Variants in XKR5 observed in about 807,000 individuals in gnomAD.
XKR5 encodes XK-related protein 5.
In XKR5, 46 loss-of-function variants were observed where a neutral mutation model predicts 40.8. The observed-to-expected ratio is 1.13, with a 90% CI of 0.89 to 1.44. The LOEUF (loss-of-function observed/expected upper bound fraction) is 1.44, where lower values mean the gene tolerates loss of function less well. Among genes scored for constraint, XKR5 ranks in the 40% most tolerant of loss-of-function variants. XKR5 has a pLI of 0.00. For synonymous variants in XKR5, 466 were observed against 356.1 expected (o/e 1.31, Z -3.48); for missense variants, 1,169 against 844.7 (o/e 1.38, Z -4.76).
intron 5 of XKR5, among the ~76,000 whole-genome samples, chr8:6,820,826 G>A (rs539656922): frequency 2.0e-5 from 3 of 152,250 alleles, no homozygotes; most frequent in South Asian, 2.1e-4. Context: ...CAGGTGTCTA[G>A]GACGCTTCCC....
At chr8:6,815,295 G>C (rs1037032031) in intron 6 of XKR5, among the ~76,000 whole-genome samples, 1 of 152,208 alleles carries the variant, frequency 6.6e-6, no homozygotes, top group African/African-American at 2.4e-5. Context: ...TGATGACAGT[G>C]CCAGGCCTGT....
chr8:6,813,514 G>A (rs1803828401), intron 6 of XKR5, among the ~76,000 whole-genome samples: 1 of 152,188 alleles, frequency 6.6e-6, no homozygotes, highest in African/African-American at 2.4e-5. Flanking sequence ...GTGAATATTG[G>A]TCCCAGGATG....
At chr8:6,821,491 C>A (rs1446845945) in intron 5 of XKR5, among the ~76,000 whole-genome samples, 5 of 152,148 alleles carry the variant, frequency 3.3e-5, no homozygotes, top group African/African-American at 7.2e-5. Flanking sequence ...CTCTCTAGGG[C>A]CATGCCTGGA....
chr8:6,824,829 A>T (rs906623095), intron 3 of XKR5, among the ~76,000 whole-genome samples: 2 of 152,186 alleles, frequency 1.3e-5, no homozygotes, highest in Admixed American at 1.3e-4. Context: ...GCCAAGAATT[A>T]TTCTAATGAT....
Position 6,821,928 on chromosome 8 carries a change from G to C in XKR5, c.748C>G (p.Leu250Val). Residue 250 changes from leucine to valine, a missense_variant, in exon 5 of 7, where the codon CTC (leucine) becomes GTC (valine). Leu to Val is a conservative substitution (Grantham distance 32). Coordinates refer to ENST00000618742, the MANE Select transcript of XKR5 (RefSeq NM_207411.5). ...FNLLVGAVYILCYLSFWDSPS... is the reference protein window; with the variant it reads ...FNLLVGAVYIVCYLSFWDSPS... Reference sequence around the variant, plus strand: ...CTGTCCCAGAAGCTGAGGTAGCAGAGGATGTACACGGCCCCCACGAGCAGG... The same window carrying C: ...CTGTCCCAGAAGCTGAGGTAGCAGACGATGTACACGGCCCCCACGAGCAGG... The C allele has an allele frequency of 6.2e-7, 1 of 1,613,296 alleles. No individual in the cohort carries two copies. The highest frequency in any genetic ancestry group is 8.5e-7 in the Non-Finnish European group (1 of 1,179,600).
chr8:6,820,657 G>C (rs1804189603), intron 5 of XKR5, among the ~76,000 whole-genome samples: 1 of 152,228 alleles, frequency 6.6e-6, no homozygotes, highest in Non-Finnish European at 1.5e-5. Flanking sequence ...CCTGCCACAA[G>C]TGAACCTATC....
At chr8:6,812,938 T>C (rs1803804382) in intron 6 of XKR5, among the ~76,000 whole-genome samples, 2 of 152,284 alleles carry the variant, frequency 1.3e-5, no homozygotes, top group Non-Finnish European at 2.9e-5. Context: ...GTTTAATTTA[T>C]TTTGATCAGA....
chr8:6,827,442 T>G (rs765608489), intron 2 of XKR5, among the ~76,000 whole-genome samples: 1 of 152,176 alleles, frequency 6.6e-6, no homozygotes, highest in Non-Finnish European at 1.5e-5. Context: ...GGCAAACATT[T>G]CTATGTCCAG....
rs146770216 is a variant in XKR5, at chr8:6,813,464, T to C, written c.920-1125A>G. ...TCCAGAGGCCATGTGGTTTGAGGGT[T>C]CTTGGTGGCATCCCCAGGCTGGCAC... On this transcript the variant is annotated intron_variant, in intron 6 of 6. Transcript: ENST00000618742. Among the ~76,000 whole-genome samples, 11 of 152,324 alleles carry C rather than the reference T, an allele frequency of 7.2e-5. No individual in the cohort carries two copies. In the East Asian group the frequency reaches 1.9e-3, roughly 27 times the overall value.
intron 4 of XKR5, 45 bp from the exon 5 acceptor site, chr8:6,822,083 TGGG>T (rs758102124): frequency 4.5e-5 from 70 of 1,550,648 alleles, no homozygotes; most frequent in East Asian, 9.4e-5. Flanking sequence ...TGCAAGGAGA[TGGG>T]GGGACAGGCA....
chr8:6,816,194 C>A (rs1385047390), intron 5 of XKR5, among the ~76,000 whole-genome samples: 1 of 152,120 alleles, frequency 6.6e-6, no homozygotes, highest in East Asian at 1.9e-4. Flanking sequence ...GGCTGTGGGG[C>A]TGCCTTTAGA....
intron 5 of XKR5, among the ~76,000 whole-genome samples, chr8:6,821,638 T>C (rs1170596136): frequency 6.6e-6 from 1 of 152,214 alleles, no homozygotes; most frequent in Non-Finnish European, 1.5e-5. Flanking sequence ...GCCTCAGTTG[T>C]TGCCACATTG....
chr8:6,835,115 C>A (rs1432987822), intron 1 of XKR5, among the ~76,000 whole-genome samples: 2 of 150,250 alleles, frequency 1.3e-5, no homozygotes, highest in African/African-American at 4.9e-5. Flanking sequence ...CCTGCTTCTG[C>A]GAGGGGATCT....
chr8:6,819,837 TCTTC>T (rs1214919515), intron 5 of XKR5, among the ~76,000 whole-genome samples: 55,387 of 138,912 alleles, frequency 0.4, 11,011 homozygotes, highest in East Asian at 0.65. Context: ...CCTTCCTTCC[TCTTC>T]CCTACCTTCC....
intron 6 of XKR5, among the ~76,000 whole-genome samples, chr8:6,814,206 T>A (rs1454614883): frequency 2.0e-5 from 3 of 152,220 alleles, no homozygotes; most frequent in African/African-American, 7.2e-5. Context: ...ATCAATGCTC[T>A]GCGATTCAAA....
chr8:6,821,986 G>A lies in XKR5; in HGVS notation c.690C>T (p.Ile230=), dbSNP rs746802836. 2.4e-5 allele frequency: 39 copies of A among 1,607,152 alleles called. No individual in the cohort carries two copies. The Middle Eastern group carries it at 6.6e-4, about 27-fold the overall frequency. ...TFWLVAQQSD[I]IDSTCHWRLF... ...GCCTCCAGTGGCAGGTGCTGTCGAT[G>A]ATGTCACTCTGCTGGGCGACAAGCC... Residue 230 remains isoleucine, a synonymous_variant, in exon 5 of 7, where the codon ATC becomes ATT. Coordinates refer to ENST00000618742, the MANE Select transcript of XKR5 (RefSeq NM_207411.5).
chr8:6,818,276 A>G lies in XKR5; in HGVS notation c.808-2358T>C, dbSNP rs529583487. Among the ~76,000 whole-genome samples the G allele has an allele frequency of 3.3e-5, 5 of 152,300 alleles. No individual in the cohort carries two copies. The South Asian group carries it at 1.0e-3, about 32-fold the overall frequency. On this transcript the variant is annotated intron_variant, in intron 5 of 6. Transcript: ENST00000618742. The stretch of plus-strand genomic sequence containing the variant: ...CCGTCCACACCTTTTCTTCAGGTGA[A>G]CCTTGCTCACCACATAGCACATCGT...
intron 5 of XKR5, 105 bp downstream of exon 5, chr8:6,821,764 A>T: frequency 1.1e-6 from 1 of 904,800 alleles, no homozygotes; most frequent in Non-Finnish European, 1.6e-6. Flanking sequence ...TTCAATAGAT[A>T]GGTGTGCATT....
At chr8:6,832,033 AAAC>A (rs553713630) in intron 2 of XKR5, among the ~76,000 whole-genome samples, 43,662 of 120,030 alleles carry the variant, frequency 0.36, 8,148 homozygotes, top group Non-Finnish European at 0.44. Context: ...AAAAAAAAAA[AAAC>A]AAACCTAACA....
Sources: gnomAD v4.1 joint callset for allele counts (sites outside exome capture counted in the v4.1 genomes callset) on GRCh38, gnomAD v4.1.1 for gene constraint, MANE v1.5 for transcripts, NCBI Gene and HGNC (gene_info 2026-07-23, HGNC 2026-07-21) for gene names.